Variants in PKNOX2 observed in about 807,000 individuals in gnomAD.
The protein encoded by PKNOX2 is homeobox protein PKNOX2.
PKNOX2 carries 14 observed loss-of-function variants against 53.1 expected under a neutral mutation model. The ratio of observed to expected loss-of-function variants is 0.26; its 90% CI spans 0.17 to 0.41. The LOEUF (loss-of-function observed/expected upper bound fraction) is 0.41, where lower values mean the gene tolerates loss of function less well. Ranked by LOEUF, PKNOX2 falls within the 10% of genes least tolerant of loss-of-function variation. The pLI is 1.00. For missense variants in PKNOX2, 496 were observed against 602.8 expected, an observed-to-expected ratio of 0.82 and a Z score of 1.85; for synonymous variants, 257 against 242.8, an observed-to-expected ratio of 1.06 and a Z score of -0.54.
At chr11:125,317,844 T>C (rs78441814) in intron 2 of PKNOX2, among the ~76,000 whole-genome samples, 4,534 of 152,292 alleles carry the variant, frequency 0.03, 223 homozygotes, top group African/African-American at 0.1. Flanking sequence ...TTTTTGTGGA[T>C]TTGAAGCCAG....
intron 6 of PKNOX2, among the ~76,000 whole-genome samples, chr11:125,389,784 T>C (rs1565513878): frequency 6.6e-6 from 1 of 152,250 alleles, no homozygotes; most frequent in Non-Finnish European, 1.5e-5. Context: ...TTCAGTTTCA[T>C]GCATGGAATT....
In PKNOX2 at chr11:125,418,782, G is replaced by T. The variant is rs942093462; in HGVS notation, c.936+6917G>T. ...TGGATTGAAAATATATCTTTAAGTG[G>T]ATGGTTGCATCTGTCCTGAACATGT... is the stretch of plus-strand genomic sequence containing the variant. On this transcript the variant is annotated intron_variant, in intron 10 of 12. Transcript: ENST00000298282. 2.0e-4 allele frequency among the ~76,000 whole-genome samples: 30 copies of T among 152,008 alleles called. 1 individual carries two copies. Among genetic ancestry groups the T allele is most frequent in the African/African-American group, 7.0e-4 (29 of 41,280 alleles).
intron 2 of PKNOX2, among the ~76,000 whole-genome samples, chr11:125,292,112 G>T (rs1252936893): frequency 1.3e-5 from 2 of 152,200 alleles, no homozygotes; most frequent in African/African-American, 4.8e-5. Context: ...AGGTTAGCTT[G>T]TGCAGAAGAC....
chr11:125,380,299 C>A (rs1165539174), intron 5 of PKNOX2, among the ~76,000 whole-genome samples: 1 of 152,142 alleles, frequency 6.6e-6, no homozygotes, highest in Admixed American at 6.5e-5. Context: ...CAGTTCACTC[C>A]TTTTATTTGT....
In PKNOX2 at chr11:125,410,783, A is replaced by C. The variant is rs969318455; in HGVS notation, c.723A>C (p.Gly241=). 3 of 1,613,714 alleles carry C rather than the reference A, an allele frequency of 1.9e-6. No individual in the cohort carries two copies. The African/African-American group carries it at 4.0e-5, about 22-fold the overall frequency. Residue 241 remains glycine (G), a synonymous_variant, in exon 9 of 13, where the codon GGA becomes GGC. Coordinates refer to ENST00000298282, the MANE Select transcript of PKNOX2 (RefSeq NM_001382323.2). ...CAAAACTGGTTGTCTCCTCAGGTGG[A>C]GCCTTATACCAACCGGTTACCATGG... ...TTVNSQVVSG[G]ALYQPVTMVT... is the part of the protein sequence containing the mutation.
chr11:125,355,238 G>A (rs1363243145), intron 4 of PKNOX2, among the ~76,000 whole-genome samples: 1 of 146,580 alleles, frequency 6.8e-6, no homozygotes, highest in Non-Finnish European at 1.5e-5. Flanking sequence ...CTGCACTCCA[G>A]CCTGAGTGAC....
At position 125,297,400 on chromosome 11, in the gene PKNOX2, C is replaced by T. The variant is rs535278127; in HGVS notation, c.-129-34419C>T. On this transcript the variant is annotated intron_variant, in intron 2 of 12. Transcript: ENST00000298282. ...TGAATAGAAAATAATTCTTGATCTC[C>T]AGTCTAGTGGTGGCAACAGCAGTTT... 2.4e-3 allele frequency among the ~76,000 whole-genome samples: 359 copies of T among 152,224 alleles called. 1 individual carries two copies. The highest frequency in any genetic ancestry group is 9.5e-3 in the South Asian group (46 of 4,824).
intron 9 of PKNOX2, 27 bp downstream of exon 9, chr11:125,410,903 G>A (rs200195616): frequency 2.5e-6 from 4 of 1,590,188 alleles, no homozygotes; most frequent in Admixed American, 1.7e-5. Context: ...GTGTGCACAT[G>A]TGCATGGTGT....
In PKNOX2 at chr11:125,166,365, C is replaced by A. The variant is rs988114192; in HGVS notation, c.-201+1589C>A. Among the ~76,000 whole-genome samples the A allele has an allele frequency of 6.6e-6, 1 of 152,190 alleles. No individual in the cohort carries two copies. Among genetic ancestry groups the A allele is most frequent in the African/African-American group, 2.4e-5 (1 of 41,454 alleles). On this transcript the variant is annotated intron_variant, in intron 1 of 12. Transcript: ENST00000298282. The surrounding 1 kb of genome is among the most constrained non-coding windows in gnomAD (Gnocchi z 4.0). ...GGCGAGCCCCGAATTTTTGCTGCTT[C>A]CCCCTGAAAGTGTTTCTTTAGGAGG...
intron 8 of PKNOX2, 152 bp downstream of exon 8, chr11:125,410,477 C>G (rs955438537): frequency 1.8e-6 from 2 of 1,116,658 alleles, no homozygotes; most frequent in Non-Finnish European, 2.5e-6. Flanking sequence ...AGTTTATAGA[C>G]GGTTAGCGCC....
chr11:125,248,344 C>T (rs1943716234), intron 2 of PKNOX2, among the ~76,000 whole-genome samples: 1 of 152,120 alleles, frequency 6.6e-6, no homozygotes, highest in South Asian at 2.1e-4. Flanking sequence ...ACTGAGCAGA[C>T]TGGAATTACT....
chr11:125,217,239 C>T (rs75652155), intron 1 of PKNOX2, among the ~76,000 whole-genome samples: 3 of 152,302 alleles, frequency 2.0e-5, no homozygotes, highest in Non-Finnish European at 4.4e-5. Flanking sequence ...TTTCCCACTC[C>T]TGGATCTCTC....
intron 2 of PKNOX2, among the ~76,000 whole-genome samples, chr11:125,291,052 G>C (rs919731397): frequency 6.6e-6 from 1 of 152,174 alleles, no homozygotes; most frequent in Admixed American, 6.5e-5. Context: ...GAGCACAAAG[G>C]GGGTCTCTTC....
intron 2 of PKNOX2, among the ~76,000 whole-genome samples, chr11:125,253,166 C>T (rs917739658): frequency 9.9e-5 from 15 of 152,166 alleles, no homozygotes; most frequent in African/African-American, 3.1e-4. Flanking sequence ...CCACAACACT[C>T]GTGGTGATAG....
intron 2 of PKNOX2, among the ~76,000 whole-genome samples, chr11:125,260,136 C>T (rs897058535): frequency 6.6e-6 from 1 of 152,100 alleles, no homozygotes; most frequent in East Asian, 1.9e-4. Flanking sequence ...CCTCAGCCCC[C>T]CAAAGTGCTG....
chr11:125,399,520 A>C (rs892448417), intron 7 of PKNOX2, among the ~76,000 whole-genome samples: 1 of 152,204 alleles, frequency 6.6e-6, no homozygotes, highest in African/African-American at 2.4e-5. Context: ...ATGGAGATGC[A>C]CATTTTTATC....
chr11:125,312,873 C>A (rs1215406768), intron 2 of PKNOX2, among the ~76,000 whole-genome samples: 1 of 152,172 alleles, frequency 6.6e-6, no homozygotes, highest in African/African-American at 2.4e-5. Flanking sequence ...TAGGAATATG[C>A]AGTGGCACAA....
chr11:125,387,275 G>C (rs7950648), intron 6 of PKNOX2, among the ~76,000 whole-genome samples: 1,776 of 152,348 alleles, frequency 0.012, 47 homozygotes, highest in African/African-American at 0.039. Context: ...GACCTGGGGG[G>C]TGGGGCCCAC....
At chr11:125,366,851 C>A (rs1019415948) in intron 4 of PKNOX2, among the ~76,000 whole-genome samples, 1 of 152,110 alleles carries the variant, frequency 6.6e-6, no homozygotes, top group African/African-American at 2.4e-5. Flanking sequence ...TCATTTTCTC[C>A]GCAAGTATTT....
Sources: allele counts gnomAD v4.1 joint callset (sites outside exome capture counted in the v4.1 genomes callset), GRCh38; gene constraint gnomAD v4.1.1; non-coding constraint Gnocchi (gnomAD v3.1); transcripts MANE v1.5; gene names NCBI Gene and HGNC (gene_info 2026-07-23, HGNC 2026-07-21).